SLC35G1: variants seen among roughly 807,000 people sequenced by gnomAD.
SLC35G1 encodes the protein solute carrier family 35 member G1.
SLC35G1 carries 10 observed loss-of-function variants against 17.1 expected under a neutral mutation model. The ratio of observed to expected loss-of-function variants is 0.59; its 90% CI spans 0.36 to 0.99. SLC35G1 has a LOEUF of 0.99. Among genes scored for constraint, SLC35G1 ranks in the 50% least tolerant of loss-of-function variants. The probability of loss-of-function intolerance (pLI) is 0.01; values close to 1 mark genes in which losing one functional copy is unlikely to be tolerated. For synonymous variants in SLC35G1, 185 were observed against 181.1 expected (o/e 1.02, Z -0.18); for missense variants, 433 against 468.4 (o/e 0.92, Z 0.70).
rs1359549672 is a variant in SLC35G1, at chr10:93,900,890, T to C, written c.498T>C (p.Ser166=). 6 of 1,614,102 alleles carry C rather than the reference T, an allele frequency of 3.7e-6. No individual in the cohort carries two copies. Among genetic ancestry groups the C allele is most frequent in the Non-Finnish European group, 5.1e-6 (6 of 1,179,970 alleles). The part of the protein sequence containing the change: ...LADATVITFS[S]PVFTSIFAWI... ...ATGCCACAGTTATCACGTTTAGCAG[T>C]CCAGTGTTTACGTCCATATTTGCTT... Residue 166 remains serine, a synonymous_variant, in exon 3 of 3, where the codon AGT becomes AGC. Coordinates refer to ENST00000427197, the MANE Select transcript of SLC35G1 (RefSeq NM_001134658.3).
chr10:93,901,088 C>T lies in SLC35G1; in HGVS notation c.696C>T (p.Ala232=), dbSNP rs41290238. Residue 232 remains alanine (A), a synonymous_variant, in exon 3 of 3, where the codon GCC becomes GCT. Transcript: ENST00000427197. The part of the protein sequence containing the change: ...LKGTFAAIGS[A]VFAASTLVIL... ...GAACATTCGCAGCAATTGGAAGTGCCGTATTTGCTGCATCGACTCTAGTTA... is the reference window on the plus strand; with the variant it reads ...GAACATTCGCAGCAATTGGAAGTGCTGTATTTGCTGCATCGACTCTAGTTA... 2,443 of 1,614,012 alleles carry T rather than the reference C, an allele frequency of 1.5e-3. 4 individuals are homozygous for T. Among genetic ancestry groups the T allele is most frequent in the Non-Finnish European group, 1.9e-3 (2,229 of 1,179,968 alleles).
chr10:93,906,018 A>G (rs1034140005), downstream of SLC35G1, among the ~76,000 whole-genome samples: 1 of 152,208 alleles, frequency 6.6e-6, no homozygotes, highest in African/African-American at 2.4e-5. Context: ...TGAGGTTATA[A>G]GAACCTGGCT....
Position 93,902,414 on chromosome 10 carries a change from A to C in SLC35G1, c.*924A>C, listed in dbSNP as rs772799048. 2.6e-5 allele frequency: 4 copies of C among 152,562 alleles called. No individual in the cohort carries two copies. Among genetic ancestry groups the C allele is most frequent in the Admixed American group, 2.0e-4 (3 of 15,252 alleles). The allele number at this position is 152,562 out of a possible 1,614,324, so 9.5% of individuals were successfully genotyped here. A position where few individuals can be genotyped will look rare whatever the true frequency, so the allele number is the denominator to read the frequency against. On this transcript the variant is annotated 3_prime_UTR_variant, in exon 3 of 3. Transcript: ENST00000427197. ...CCCTTGAATTTATAGTGTGATGCCA[A>C]ATAAAATTTTCTCAGGATCTTATTA...
At chr10:93,894,800 C>T (rs2060315070) in intron 1 of SLC35G1, among the ~76,000 whole-genome samples, 2 of 152,198 alleles carry the variant, frequency 1.3e-5, no homozygotes, top group African/African-American at 4.8e-5. Context: ...GCCCCGTCCC[C>T]AAAGTCAGGG....
chr10:93,908,041 T>C (rs1589805896), downstream of SLC35G1: 1 of 152,322 alleles, frequency 6.6e-6, no homozygotes, highest in Non-Finnish European at 1.5e-5. Flanking sequence ...CTGCAGACCA[T>C]ACTTAAATTC....
chr10:93,899,692 C>T (rs1011516987), intron 2 of SLC35G1, among the ~76,000 whole-genome samples: 69 of 152,286 alleles, frequency 4.5e-4, no homozygotes, highest in African/African-American at 1.5e-3. Flanking sequence ...AAAGTGAAAA[C>T]CTGCTAATAC....
downstream of SLC35G1, chr10:93,907,019 TCTCA>T (rs1265144358): frequency 1.3e-5 from 2 of 152,216 alleles, no homozygotes; most frequent in Admixed American, 6.5e-5. Flanking sequence ...ATGCCACTCT[TCTCA>T]CTAATTTTTT....
chr10:93,903,472 A>G lies in SLC35G1; in HGVS notation c.*1982A>G, dbSNP rs1351776051. The stretch of plus-strand genomic sequence containing the variant: ...ACCACTACTTGAGCTACCTAAGGTG[A>G]ATTAACTCTCAGGGAACCCTCTTCC... On this transcript the variant is annotated 3_prime_UTR_variant, in exon 3 of 3. Transcript: ENST00000427197. 6.6e-6 allele frequency: 1 copy of G among 152,202 alleles called. No homozygotes were observed. The highest frequency in any genetic ancestry group is 1.5e-5 in the Non-Finnish European group (1 of 68,042). The allele number at this position is 152,202 out of a possible 1,614,324, so 9.4% of individuals were successfully genotyped here.
chr10:93,907,690 A>AC (rs1487992572), downstream of SLC35G1: 4 of 152,202 alleles, frequency 2.6e-5, no homozygotes, highest in Admixed American at 2.6e-4. Context: ...GAAACTGTTA[A>AC]CATTGGTTGC....
Position 93,901,560 on chromosome 10 carries a change from C to T in SLC35G1, c.*70C>T. 6.9e-7 allele frequency: 1 copy of T among 1,452,170 alleles called. No homozygotes were observed. The highest frequency in any genetic ancestry group is 9.1e-7 in the Non-Finnish European group (1 of 1,097,866). The allele number at this position is 1,452,170 out of a possible 1,614,324, so 90.0% of individuals were successfully genotyped here. A position where few individuals can be genotyped will look rare whatever the true frequency, so the allele number is the denominator to read the frequency against. ...CTAATTCACATACAGCATACGCACA[C>T]ATCTGGAAAATCTGCATTTTCTTCA... On this transcript the variant is annotated 3_prime_UTR_variant, in exon 3 of 3. Transcript: ENST00000427197.
downstream of SLC35G1, among the ~76,000 whole-genome samples, chr10:93,905,650 A>G (rs900542614): frequency 5.3e-5 from 8 of 152,194 alleles, no homozygotes; most frequent in African/African-American, 1.9e-4. Context: ...CAGTAAATGT[A>G]GCAGAGATGC....
intron 2 of SLC35G1, among the ~76,000 whole-genome samples, 164 bp from the exon 3 acceptor site, chr10:93,900,588 A>G (rs903130048): frequency 2.0e-5 from 3 of 152,168 alleles, no homozygotes; most frequent in Non-Finnish European, 4.4e-5. Flanking sequence ...AGAAAATACT[A>G]TTTTTAAAAA....
In SLC35G1 at chr10:93,901,775, T is replaced by C. The variant is rs1369830952; in HGVS notation, c.*285T>C. ...ATTGTTTGAAGAAAAACCAAAACAT[T>C]TTATGGCTAGTAATATTTATGTAAT... On this transcript the variant is annotated 3_prime_UTR_variant, in exon 3 of 3. Transcript: ENST00000427197. 3.7e-6 allele frequency: 1 copy of C among 266,786 alleles called. No individual in the cohort carries two copies. The highest frequency in any genetic ancestry group is 6.8e-6 in the Non-Finnish European group (1 of 147,894). 16.5% of individuals were successfully genotyped at this position (266,786 alleles called of 1,614,324 possible).
chr10:93,894,340 G>A, intron 1 of SLC35G1, 129 bp downstream of exon 1: 2 of 930,860 alleles, frequency 2.1e-6, no homozygotes, highest in South Asian at 5.7e-5. Context: ...CCGGGGCTCG[G>A]GAAACCCCTC....
chr10:93,907,793 G>C (rs2060437609), downstream of SLC35G1: 1 of 129,616 alleles, frequency 7.7e-6, no homozygotes, highest in Non-Finnish European at 1.6e-5. Context: ...AAATAACTTA[G>C]TCAAAATAAA....
Position 93,900,742 on chromosome 10 carries a change from G to A in SLC35G1, c.360-10G>A. On this transcript the variant is annotated splice_polypyrimidine_tract_variant and intron_variant, in intron 2 of 2. Coordinates refer to ENST00000427197, the MANE Select transcript of SLC35G1 (RefSeq NM_001134658.3). ...TCATTTAATATGCATTTCTTCATTT[G>A]AATTTACAGAACTGGGTTTATAGGC... 4 of 1,516,422 alleles carry A rather than the reference G, an allele frequency of 2.6e-6. No homozygotes were observed. The highest frequency in any genetic ancestry group is 3.5e-6 in the Non-Finnish European group (4 of 1,128,760). The allele number at this position is 1,516,422 out of a possible 1,614,324, so 93.9% of individuals were successfully genotyped here.
In SLC35G1 at chr10:93,901,204, C is replaced by G. The variant is rs781734709; in HGVS notation, c.812C>G (p.Ser271Cys). Residue 271 changes from serine (S) to cysteine (C), a missense_variant, in exon 3 of 3, where the codon TCT (serine) becomes TGT (cysteine). Transcript: ENST00000427197. ...LGLVESVIIL[S>C]VLGEWSLPYC... ...CTCGTTGAAAGTGTCATCATCCTCT[C>G]TGTATTAGGAGAGTGGAGTCTGCCT... is the stretch of plus-strand genomic sequence containing the variant. The G allele has an allele frequency of 1.2e-6, 2 of 1,614,104 alleles. No individual in the cohort carries two copies. The highest frequency in any genetic ancestry group is 2.2e-5 in the East Asian group (1 of 44,884).
At chr10:93,909,149 C>G (rs2060444199) in exon 3 of SLC35G1, 1 of 152,262 alleles carries the variant, frequency 6.6e-6, no homozygotes, top group African/African-American at 2.4e-5. Context: ...TCTGTCCTAG[C>G]TAGTTTTGTG....
downstream of SLC35G1, among the ~76,000 whole-genome samples, chr10:93,904,777 G>A (rs1036805802): frequency 1.3e-5 from 2 of 152,132 alleles, no homozygotes; most frequent in Non-Finnish European, 2.9e-5. Context: ...GCCATAGAAG[G>A]GCTTATAGAC....
Sources: allele counts gnomAD v4.1 joint callset (sites outside exome capture counted in the v4.1 genomes callset), GRCh38; gene constraint gnomAD v4.1.1; transcripts MANE v1.5; gene names NCBI Gene and HGNC (gene_info 2026-07-23, HGNC 2026-07-21).